The following BICC1 variants were observed in gnomAD, a reference collection of about 807,000 sequenced individuals.
BICC1 encodes BicC family RNA binding protein 1, also known as protein bicaudal C homolog 1.
BICC1 carries 43 observed loss-of-function variants against 111.0 expected under a neutral mutation model. The ratio of observed to expected loss-of-function variants is 0.39; its 90% CI spans 0.30 to 0.50. The LOEUF is 0.50. BICC1 is among the 20% of genes least tolerant of loss of function. The probability of loss-of-function intolerance (pLI) is 0.88; values close to 1 mark genes in which losing one functional copy is unlikely to be tolerated. For synonymous variants in BICC1, 467 were observed against 434.4 expected (o/e 1.07, Z -0.93); for missense variants, 1,091 against 1,203.2 (o/e 0.91, Z 1.38).
chr10:58,724,940 T>A (rs1398857958), intron 3 of BICC1, among the ~76,000 whole-genome samples: 1 of 152,182 alleles, frequency 6.6e-6, no homozygotes, highest in Non-Finnish European at 1.5e-5. Context: ...TGGCTGTCTA[T>A]TCCCTCCCTT....
At chr10:58,622,939 G>A (rs1211544152) in intron 2 of BICC1, among the ~76,000 whole-genome samples, 1 of 152,140 alleles carries the variant, frequency 6.6e-6, no homozygotes, top group African/African-American at 2.4e-5. Flanking sequence ...GAAGGATCTA[G>A]GCTTGTGATT....
At chr10:58,626,608 C>T (rs1837634211) in intron 2 of BICC1, among the ~76,000 whole-genome samples, 1 of 152,186 alleles carries the variant, frequency 6.6e-6, no homozygotes, top group South Asian at 2.1e-4. Context: ...TTCTTGTGTT[C>T]ATTTGAACAC....
intron 1 of BICC1, among the ~76,000 whole-genome samples, chr10:58,549,249 A>G (rs1442853199): frequency 6.6e-6 from 1 of 152,192 alleles, no homozygotes; most frequent in East Asian, 1.9e-4. Context: ...ACCAGTATAA[A>G]TAAGACTTCT....
At chr10:58,821,680 T>A (rs1315168250) in intron 20 of BICC1, among the ~76,000 whole-genome samples, 1 of 152,148 alleles carries the variant, frequency 6.6e-6, no homozygotes, top group Non-Finnish European at 1.5e-5. Context: ...ATATACTGTG[T>A]GTACCCAAGA....
At chr10:58,718,197 C>G (rs1023414050) in intron 3 of BICC1, among the ~76,000 whole-genome samples, 1 of 152,150 alleles carries the variant, frequency 6.6e-6, no homozygotes, top group African/African-American at 2.4e-5. Flanking sequence ...GCTTCCAGTT[C>G]TGGAGACTGG....
At position 58,601,139 on chromosome 10, in the gene BICC1, C is replaced by CA. The variant is rs1564506664; in HGVS notation, c.191-19716_191-19715insA. Reference sequence around the variant, plus strand: ...TACTTTTTAGGCAGTCATTTTAAAACTTATATATATATATATATATATATA... The same window carrying CA: ...TACTTTTTAGGCAGTCATTTTAAAACATTATATATATATATATATATATATA... On this transcript the variant is annotated intron_variant, in intron 1 of 20. Coordinates refer to ENST00000373886, the MANE Select transcript of BICC1 (RefSeq NM_001080512.3). Among the ~76,000 whole-genome samples, 108 of 39,804 alleles carry CA rather than the reference C, an allele frequency of 2.7e-3. 1 individual carries two copies. Among genetic ancestry groups the CA allele is most frequent in the Middle Eastern group, 0.017 (1 of 58 alleles). 26.1% of individuals were successfully genotyped at this position (39,804 alleles called of 152,430 possible).
rs542234363 is a variant in BICC1, at chr10:58,580,541, C to T, written c.191-40314C>T. ...ATCTGAAAAAATCCAAAATCTGAAACACTTCTGGTCTCAAGCATTTTGGAT... is the reference window on the plus strand; with the variant it reads ...ATCTGAAAAAATCCAAAATCTGAAATACTTCTGGTCTCAAGCATTTTGGAT... On this transcript the variant is annotated intron_variant, in intron 1 of 20. Transcript: ENST00000373886. Among the ~76,000 whole-genome samples, 9 of 152,132 alleles carry T rather than the reference C, an allele frequency of 5.9e-5. No homozygotes were observed. In the East Asian group the frequency reaches 1.5e-3, roughly 26 times the overall value.
intron 3 of BICC1, among the ~76,000 whole-genome samples, chr10:58,707,489 T>TA (rs926639270): frequency 1.7e-4 from 25 of 150,718 alleles, no homozygotes; most frequent in South Asian, 2.1e-4. Flanking sequence ...CCAACTAGGT[T>TA]AAAAAAAAAT....
intron 1 of BICC1, among the ~76,000 whole-genome samples, chr10:58,548,077 A>G (rs144221498): frequency 5.3e-5 from 8 of 152,336 alleles, no homozygotes; most frequent in African/African-American, 1.9e-4. Context: ...ACATATTTAT[A>G]AATATTTGTA....
At chr10:58,709,092 A>C (rs1219743725) in intron 3 of BICC1, among the ~76,000 whole-genome samples, 1 of 152,172 alleles carries the variant, frequency 6.6e-6, no homozygotes, top group Non-Finnish European at 1.5e-5. Context: ...AGCTATTTGA[A>C]AATATATAAT....
chr10:58,525,493 A>T (rs1186223188), intron 1 of BICC1, among the ~76,000 whole-genome samples: 5 of 131,774 alleles, frequency 3.8e-5, no homozygotes, highest in African/African-American at 5.5e-5. Context: ...GTTCTCACTC[A>T]TAGGTGGGAA....
intron 10 of BICC1, among the ~76,000 whole-genome samples, chr10:58,798,086 T>C (rs1369641186): frequency 6.6e-6 from 1 of 152,158 alleles, no homozygotes; most frequent in Non-Finnish European, 1.5e-5. Context: ...TTGAGCAGAA[T>C]TTTGTTCATC....
intron 2 of BICC1, among the ~76,000 whole-genome samples, chr10:58,649,711 G>T (rs1263846154): frequency 6.6e-6 from 1 of 152,142 alleles, no homozygotes; most frequent in African/African-American, 2.4e-5. Flanking sequence ...CCTCTGAATA[G>T]CTAATCTCTA....
chr10:58,767,410 G>A (rs1842486681), intron 3 of BICC1, among the ~76,000 whole-genome samples: 1 of 152,144 alleles, frequency 6.6e-6, no homozygotes, highest in East Asian at 1.9e-4. Flanking sequence ...CAGAATTCTA[G>A]CCAGGCTGAC....
intron 20 of BICC1, among the ~76,000 whole-genome samples, chr10:58,822,378 C>T (rs1271778727): frequency 6.6e-6 from 1 of 152,128 alleles, no homozygotes; most frequent in Non-Finnish European, 1.5e-5. Flanking sequence ...GATAGATCAT[C>T]AATACCTTTC....
chr10:58,519,238 G>A (rs754463509), intron 1 of BICC1, among the ~76,000 whole-genome samples: 1 of 152,062 alleles, frequency 6.6e-6, no homozygotes, highest in African/African-American at 2.4e-5. Context: ...GCAGGAAAAA[G>A]GCGGAAGAAG....
upstream of BICC1, among the ~76,000 whole-genome samples, chr10:58,512,369 C>T (rs1204681295): frequency 6.6e-6 from 1 of 152,064 alleles, no homozygotes; most frequent in South Asian, 2.1e-4. Context: ...CTCTTCCTCA[C>T]GTTCGAGCTT....
At chr10:58,780,492 AT>A (rs575665974) in intron 3 of BICC1, among the ~76,000 whole-genome samples, 87 of 152,272 alleles carry the variant, frequency 5.7e-4, no homozygotes, top group African/African-American at 1.9e-3. Context: ...GTGGCTACAG[AT>A]TTTTGATGAA....
chr10:58,666,326 A>G (rs754835964), intron 2 of BICC1, among the ~76,000 whole-genome samples: 3 of 152,182 alleles, frequency 2.0e-5, no homozygotes, highest in Admixed American at 6.5e-5. Context: ...ACACTCAGCT[A>G]TTGTTTCAGG....
Sources: gnomAD v4.1 joint callset for allele counts (sites outside exome capture counted in the v4.1 genomes callset) on GRCh38, gnomAD v4.1.1 for gene constraint, MANE v1.5 for transcripts, NCBI Gene and HGNC (gene_info 2026-07-23, HGNC 2026-07-21) for gene names.